LRMDA: variants seen among roughly 807,000 people sequenced by gnomAD.
LRMDA encodes leucine rich melanocyte differentiation associated.
In LRMDA, 18 loss-of-function variants were observed where a neutral mutation model predicts 29.8. The ratio of observed to expected loss-of-function variants is 0.60; its 90% CI spans 0.42 to 0.90. The LOEUF (loss-of-function observed/expected upper bound fraction) is 0.90. LRMDA is among the 40% of genes least tolerant of loss of function. LRMDA has a pLI of 0.00. For missense variants in LRMDA, 273 were observed against 273.9 expected, an observed-to-expected ratio of 1.00 and a Z score of 0.02; for synonymous variants, 125 against 109.4, an observed-to-expected ratio of 1.14 and a Z score of -0.89.
chr10:75,634,957 T>C (rs1242519696), intron 2 of LRMDA, among the ~76,000 whole-genome samples: 4 of 152,148 alleles, frequency 2.6e-5, no homozygotes, highest in Non-Finnish European at 5.9e-5. Context: ...AAAACAACCA[T>C]ATTCCCAAAT....
chr10:76,222,573 A>G (rs1296499178), intron 5 of LRMDA, among the ~76,000 whole-genome samples: 3 of 152,246 alleles, frequency 2.0e-5, no homozygotes, highest in Non-Finnish European at 2.9e-5. Context: ...ACAGTGAGAT[A>G]TCATCTCACA....
intron 5 of LRMDA, among the ~76,000 whole-genome samples, chr10:76,130,564 T>C (rs562348469): frequency 3.1e-4 from 47 of 152,336 alleles, no homozygotes; most frequent in African/African-American, 1.0e-3. Context: ...TTGGCTTGTG[T>C]GAGAAGGGAA....
chr10:76,466,433 A>G (rs538412320), intron 6 of LRMDA, among the ~76,000 whole-genome samples: 32 of 152,270 alleles, frequency 2.1e-4, no homozygotes, highest in African/African-American at 7.2e-4. Flanking sequence ...AAGAAGTGTA[A>G]TCTGCAGCCT....
intron 5 of LRMDA, among the ~76,000 whole-genome samples, chr10:76,062,994 G>A (rs963399566): frequency 3.9e-5 from 6 of 152,146 alleles, no homozygotes; most frequent in South Asian, 2.1e-4. Flanking sequence ...TCAAAAATCC[G>A]ACAGTCAGAA....
rs866054859 is a variant in LRMDA, at chr10:75,561,259, G to T, written c.131+122765G>T. Among the ~76,000 whole-genome samples, 589 of 150,830 alleles carry T rather than the reference G, an allele frequency of 3.9e-3. 3 individuals carry two copies. The highest frequency in any genetic ancestry group is 5.3e-3 in the Non-Finnish European group (360 of 67,336). On this transcript the variant is annotated intron_variant, in intron 2 of 6. Coordinates refer to ENST00000611255, the MANE Select transcript of LRMDA (RefSeq NM_001305581.2). The stretch of plus-strand genomic sequence containing the variant: ...GATTCAACTTCTTCCTGGTTTAGTC[G>T]TGGGAGGGTGTATGTGTCAAGGAAT...
At chr10:75,680,476 G>A (rs1381289649) in intron 2 of LRMDA, among the ~76,000 whole-genome samples, 1 of 151,898 alleles carries the variant, frequency 6.6e-6, no homozygotes, top group Non-Finnish European at 1.5e-5. Flanking sequence ...TTGTAGTGGT[G>A]TTTTACTTTA....
At position 75,869,514 on chromosome 10, in the gene LRMDA, A is replaced by G. The variant is rs79877216; in HGVS notation, c.132-166494A>G. Among the ~76,000 whole-genome samples the G allele has an allele frequency of 2.5e-3, 387 of 152,340 alleles. 1 individual carries two copies. The highest frequency in any genetic ancestry group is 8.8e-3 in the African/African-American group (366 of 41,578). ...AGGTTTTTGAGCAAGAGAGCCTGTT[A>G]TCACGTATTTTCAGCTTCTTCTATT... On this transcript the variant is annotated intron_variant, in intron 2 of 6. Transcript: ENST00000611255.
chr10:76,034,425 C>A (rs964051328), intron 2 of LRMDA, among the ~76,000 whole-genome samples: 8 of 152,058 alleles, frequency 5.3e-5, no homozygotes, highest in Non-Finnish European at 1.2e-4. Flanking sequence ...AAAATGTGTC[C>A]CCCCTCGGTG....
chr10:75,916,548 G>A (rs142681456), intron 2 of LRMDA, among the ~76,000 whole-genome samples: 11 of 152,248 alleles, frequency 7.2e-5, no homozygotes, highest in Middle Eastern at 3.4e-3. Context: ...TAGAAAAACC[G>A]TCCCCACCCC....
intron 2 of LRMDA, among the ~76,000 whole-genome samples, chr10:75,699,717 C>A (rs565929712): frequency 6.6e-6 from 1 of 152,314 alleles, no homozygotes; most frequent in South Asian, 2.1e-4. Context: ...CCCCCAAAGG[C>A]ATGTTGTCGC....
At chr10:76,100,755 A>G (rs745629308) in intron 5 of LRMDA, among the ~76,000 whole-genome samples, 34 of 152,192 alleles carry the variant, frequency 2.2e-4, no homozygotes, top group Admixed American at 1.8e-3. Flanking sequence ...TTTAAGGGAC[A>G]AGTAATTTTG....
At chr10:75,572,106 A>G (rs949924199) in intron 2 of LRMDA, among the ~76,000 whole-genome samples, 5 of 152,102 alleles carry the variant, frequency 3.3e-5, no homozygotes, top group Non-Finnish European at 7.4e-5. Flanking sequence ...GGTGCACACC[A>G]CCACGCCCAG....
chr10:75,870,778 G>C (rs1466528755), intron 2 of LRMDA, among the ~76,000 whole-genome samples: 1 of 152,034 alleles, frequency 6.6e-6, no homozygotes, highest in African/African-American at 2.4e-5. Context: ...CTTTCTTGTA[G>C]AGTGCTTGTA....
At chr10:76,302,989 C>A (rs912519259) in intron 5 of LRMDA, among the ~76,000 whole-genome samples, 2 of 152,154 alleles carry the variant, frequency 1.3e-5, no homozygotes, top group African/African-American at 4.8e-5. Context: ...CCCACTCTAA[C>A]TTTCCTCATC....
intron 2 of LRMDA, among the ~76,000 whole-genome samples, chr10:75,532,745 T>A (rs1323509309): frequency 6.6e-6 from 1 of 152,088 alleles, no homozygotes; most frequent in Non-Finnish European, 1.5e-5. Flanking sequence ...AGATCCACTT[T>A]GTTAGAAATG....
intron 2 of LRMDA, among the ~76,000 whole-genome samples, chr10:75,466,108 G>A (rs1042386131): frequency 1.3e-5 from 2 of 152,228 alleles, no homozygotes; most frequent in Non-Finnish European, 2.9e-5. Flanking sequence ...GCTAGGGTTC[G>A]AGAGGTCACA....
rs1191745829 is a variant in LRMDA at position 75,561,357 on chromosome 10, A to G, written c.131+122863A>G. The stretch of plus-strand genomic sequence containing the variant: ...GTAGTATTCTCTGATGGTAGTTTGT[A>G]TTTCTGTGGGATCAATGGTGATATC... On this transcript the variant is annotated intron_variant, in intron 2 of 6. Coordinates refer to ENST00000611255, the MANE Select transcript of LRMDA (RefSeq NM_001305581.2). 6.8e-5 allele frequency among the ~76,000 whole-genome samples: 10 copies of G among 147,774 alleles called. No homozygotes were observed. In the East Asian group the frequency reaches 1.8e-3, roughly 27 times the overall value.
At chr10:76,299,011 C>A (rs1305785925) in intron 5 of LRMDA, among the ~76,000 whole-genome samples, 1 of 152,112 alleles carries the variant, frequency 6.6e-6, no homozygotes, top group Non-Finnish European at 1.5e-5. Flanking sequence ...GAAATATTTT[C>A]TTTGACTTAT....
chr10:75,808,997 A>G (rs1843908719), intron 2 of LRMDA, among the ~76,000 whole-genome samples: 1 of 152,142 alleles, frequency 6.6e-6, no homozygotes, highest in Non-Finnish European at 1.5e-5. Context: ...TCCCAGCCTC[A>G]CATTTGTGCC....
Sources: allele counts gnomAD v4.1 joint callset (sites outside exome capture counted in the v4.1 genomes callset), GRCh38; gene constraint gnomAD v4.1.1; transcripts MANE v1.5; gene names NCBI Gene and HGNC (gene_info 2026-07-23, HGNC 2026-07-21).